PHACTR3: variants seen among roughly 807,000 people sequenced by gnomAD.
PHACTR3 encodes phosphatase and actin regulator 3.
A neutral mutation model predicts 66.8 loss-of-function variants in PHACTR3; 16 were observed. That is an observed-to-expected ratio of 0.24 (90% CI 0.16 to 0.36). The LOEUF (loss-of-function observed/expected upper bound fraction) is 0.36, where lower values mean the gene tolerates loss of function less well. PHACTR3 is among the 10% of genes least tolerant of loss of function. The pLI, the probability that PHACTR3 is intolerant of heterozygous loss-of-function variation, is 1.00. For missense variants in PHACTR3, 647 were observed against 719.9 expected (o/e 0.90, Z 1.16); for synonymous variants, 323 against 292.1 (o/e 1.11, Z -1.08).
At chr20:59,678,907 T>C (rs558331539) in intron 1 of PHACTR3, among the ~76,000 whole-genome samples, 3 of 135,306 alleles carry the variant, frequency 2.2e-5, no homozygotes, top group South Asian at 5.1e-4. Context: ...GAGGGGCTGT[T>C]ACAAAGGCAA....
chr20:59,756,630 A>T (rs557478778), intron 4 of PHACTR3, among the ~76,000 whole-genome samples: 9 of 150,744 alleles, frequency 6.0e-5, no homozygotes, highest in Admixed American at 5.9e-4. Flanking sequence ...CCACACACAC[A>T]GGTCTCTGTG....
chr20:59,708,881 T>C (rs1414432458), intron 1 of PHACTR3, among the ~76,000 whole-genome samples: 1 of 152,214 alleles, frequency 6.6e-6, no homozygotes, highest in Non-Finnish European at 1.5e-5. Context: ...CCTGAAGTTC[T>C]CCCATGCAAA....
chr20:59,842,868 A>G (rs1466308207), intron 11 of PHACTR3, among the ~76,000 whole-genome samples: 1 of 152,098 alleles, frequency 6.6e-6, no homozygotes, highest in Non-Finnish European at 1.5e-5. Flanking sequence ...CTTACATAAT[A>G]CTAGTCCTAG....
chr20:59,587,834 G>A (rs1291077404), intron 1 of PHACTR3, among the ~76,000 whole-genome samples: 2 of 152,334 alleles, frequency 1.3e-5, no homozygotes, highest in East Asian at 1.9e-4. Flanking sequence ...CCTGGCTCAC[G>A]TCTACCTTCA....
chr20:59,662,170 G>T (rs779877520), intron 1 of PHACTR3, among the ~76,000 whole-genome samples: 3 of 152,138 alleles, frequency 2.0e-5, no homozygotes, highest in Non-Finnish European at 4.4e-5. Context: ...TTCTGGTGGT[G>T]AACAAGAGGC....
intron 1 of PHACTR3, among the ~76,000 whole-genome samples, chr20:59,591,926 G>A (rs1463953133): frequency 6.6e-6 from 1 of 152,070 alleles, no homozygotes; most frequent in Non-Finnish European, 1.5e-5. Context: ...CCAGGCCTCT[G>A]GGTCTTCTCT....
chr20:59,656,703 C>CT (rs2035631318), intron 1 of PHACTR3, among the ~76,000 whole-genome samples: 1 of 151,610 alleles, frequency 6.6e-6, no homozygotes, highest in South Asian at 2.1e-4. Context: ...TCTCTCATGC[C>CT]TTTTTTGTTC....
At chr20:59,673,574 C>T (rs1271811707) in intron 1 of PHACTR3, among the ~76,000 whole-genome samples, 2 of 152,142 alleles carry the variant, frequency 1.3e-5, no homozygotes, top group African/African-American at 2.4e-5. Flanking sequence ...CCTGGCAGCA[C>T]CTGGGGCTCC....
intron 7 of PHACTR3, among the ~76,000 whole-genome samples, chr20:59,802,293 C>A (rs2041436300): frequency 6.6e-6 from 1 of 152,096 alleles, no homozygotes; most frequent in African/African-American, 2.4e-5. Context: ...CAAATGTGGA[C>A]AGAGAGTGAA....
chr20:59,695,920 C>T (rs1269374542), intron 1 of PHACTR3, among the ~76,000 whole-genome samples: 1 of 152,014 alleles, frequency 6.6e-6, no homozygotes, highest in African/African-American at 2.4e-5. Context: ...TTTACTAGAT[C>T]CAGGGTTTCT....
chr20:59,755,422 C>T, intron 4 of PHACTR3, 58 bp downstream of exon 4: 3 of 1,561,046 alleles, frequency 1.9e-6, no homozygotes, highest in Non-Finnish European at 2.6e-6. Flanking sequence ...TACGTCCCCA[C>T]TGTTGTCCTT....
chr20:59,751,185 T>TGGGGTTAAGGAACCGGCTTC lies in PHACTR3; in HGVS notation c.358+3351_358+3370dup, dbSNP rs1241517912. Reference sequence around the variant, plus strand: ...AGGAGCAGAGGCGCTTTCCTGGCTTTGGGGTTAAGGAACCGGCTTCAGGGT... The same window carrying TGGGGTTAAGGAACCGGCTTC: ...AGGAGCAGAGGCGCTTTCCTGGCTTTGGGGTTAAGGAACCGGCTTCGGGGTTAAGGAACCGGCTTCAGGGT... On this transcript the variant is annotated intron_variant, in intron 3 of 12. Coordinates refer to ENST00000371015, the MANE Select transcript of PHACTR3 (RefSeq NM_080672.5). Among the ~76,000 whole-genome samples the TGGGGTTAAGGAACCGGCTTC allele has an allele frequency of 5.9e-5, 9 of 152,070 alleles. No homozygotes were observed. In the East Asian group the frequency reaches 9.7e-4, roughly 16 times the overall value.
chr20:59,622,457 CTG>C (rs2034277205), intron 1 of PHACTR3, among the ~76,000 whole-genome samples: 1 of 152,166 alleles, frequency 6.6e-6, no homozygotes, highest in Admixed American at 6.5e-5. Flanking sequence ...AGTGACATAA[CTG>C]TAATTTACCT....
chr20:59,683,224 T>C (rs1014342968), intron 1 of PHACTR3, among the ~76,000 whole-genome samples: 7 of 152,184 alleles, frequency 4.6e-5, no homozygotes, highest in Admixed American at 4.6e-4. Context: ...AAGGCCGTGG[T>C]GGAGCAGGTT....
intron 1 of PHACTR3, among the ~76,000 whole-genome samples, chr20:59,589,408 A>G (rs367735968): frequency 1.3e-5 from 2 of 152,254 alleles, no homozygotes; most frequent in East Asian, 3.9e-4. Context: ...GGCCGTTACT[A>G]TTTATAGGTT....
intron 8 of PHACTR3, among the ~76,000 whole-genome samples, chr20:59,826,419 C>A (rs2042192864): frequency 6.6e-6 from 1 of 152,104 alleles, no homozygotes; most frequent in African/African-American, 2.4e-5. Flanking sequence ...TGGCTGGGAC[C>A]CAAGGAGGCC....
chr20:59,778,215 G>A (rs944843364), intron 7 of PHACTR3, among the ~76,000 whole-genome samples: 11 of 152,126 alleles, frequency 7.2e-5, no homozygotes, highest in Admixed American at 6.5e-4. Flanking sequence ...CCACACAGGT[G>A]GCCACAGGAC....
At chr20:59,683,379 G>A (rs558780151) in intron 1 of PHACTR3, among the ~76,000 whole-genome samples, 20 of 152,284 alleles carry the variant, frequency 1.3e-4, no homozygotes, top group Admixed American at 4.6e-4. Flanking sequence ...TCGGGAGGCC[G>A]CAGCTGAGCA....
intron 1 of PHACTR3, chr20:59,628,283 G>A (rs1260204384): frequency 6.6e-6 from 1 of 152,224 alleles, no homozygotes; most frequent in Non-Finnish European, 1.5e-5. Context: ...GTGTGCTGGG[G>A]AAGAATGGGC....
Sources: allele counts gnomAD v4.1 joint callset (sites outside exome capture counted in the v4.1 genomes callset), GRCh38; gene constraint gnomAD v4.1.1; transcripts MANE v1.5; gene names NCBI Gene and HGNC (gene_info 2026-07-23, HGNC 2026-07-21).